The following RSRC1 variants were observed in gnomAD, a reference collection of about 807,000 sequenced individuals.
The protein encoded by RSRC1 is serine/Arginine-related protein 53.
In RSRC1, 39 loss-of-function variants were observed where a neutral mutation model predicts 49.1. That is an observed-to-expected ratio of 0.79 (90% CI 0.61 to 1.04). RSRC1 has a LOEUF of 1.04. Ranked by LOEUF, RSRC1 falls within the 50% of genes least tolerant of loss-of-function variation. The pLI, the probability that RSRC1 is intolerant of heterozygous loss-of-function variation, is 0.00. For synonymous variants in RSRC1, 143 were observed against 130.8 expected (o/e 1.09, Z -0.63); for missense variants, 388 against 402.4 (o/e 0.96, Z 0.31).
At chr3:158,271,176 C>T (rs1331128934) in intron 4 of RSRC1, among the ~76,000 whole-genome samples, 1 of 152,056 alleles carries the variant, frequency 6.6e-6, no homozygotes, top group African/African-American at 2.4e-5. Flanking sequence ...TTAAGTCCTT[C>T]ATAGACATTT....
chr3:158,229,566 A>T (rs918321775), intron 4 of RSRC1, among the ~76,000 whole-genome samples: 1 of 150,678 alleles, frequency 6.6e-6, no homozygotes, highest in East Asian at 1.9e-4. Flanking sequence ...AGAGCTGTCA[A>T]ATTTTAAGGA....
intron 7 of RSRC1, among the ~76,000 whole-genome samples, chr3:158,500,158 G>A (rs778530176): frequency 3.9e-5 from 6 of 152,160 alleles, no homozygotes; most frequent in East Asian, 1.9e-4. Flanking sequence ...CTTATGTGGT[G>A]TATGACATTT....
intron 5 of RSRC1, among the ~76,000 whole-genome samples, chr3:158,354,214 C>A (rs1298417590): frequency 6.6e-6 from 1 of 152,046 alleles, no homozygotes; most frequent in Admixed American, 6.5e-5. Flanking sequence ...TGGTCTCGAT[C>A]TCTTGACCTT....
At chr3:158,496,245 C>T (rs886089396) in intron 7 of RSRC1, among the ~76,000 whole-genome samples, 1 of 152,110 alleles carries the variant, frequency 6.6e-6, no homozygotes, top group Non-Finnish European at 1.5e-5. Context: ...TTTTTGCATA[C>T]TTGGGAGATC....
At chr3:158,347,610 A>G (rs748708286) in intron 5 of RSRC1, among the ~76,000 whole-genome samples, 3 of 152,124 alleles carry the variant, frequency 2.0e-5, no homozygotes, top group Non-Finnish European at 4.4e-5. Flanking sequence ...GCAGTACACA[A>G]TCATAGCCCA....
chr3:158,383,903 T>G (rs1732835659), intron 6 of RSRC1, among the ~76,000 whole-genome samples: 1 of 152,088 alleles, frequency 6.6e-6, no homozygotes, highest in South Asian at 2.1e-4. Flanking sequence ...GATATGCCTT[T>G]CTTACACTAT....
intron 6 of RSRC1, among the ~76,000 whole-genome samples, chr3:158,365,888 C>T (rs1366382401): frequency 6.6e-6 from 1 of 152,106 alleles, no homozygotes; most frequent in African/African-American, 2.4e-5. Flanking sequence ...TTGCATTTCT[C>T]TAATGACCAT....
Position 158,543,332 on chromosome 3 carries a change from C to T in RSRC1, c.760-3C>T. The T allele has an allele frequency of 6.5e-7, 1 of 1,541,732 alleles. No individual in the cohort carries two copies. The highest frequency in any genetic ancestry group is 2.4e-5 in the East Asian group (1 of 42,112). On this transcript the variant is annotated splice_region_variant and splice_polypyrimidine_tract_variant and intron_variant, in intron 8 of 9. Transcript: ENST00000611884. Reference sequence around the variant, plus strand: ...TGAAATTAATATGTGTTGTTTCTTTCAGTCAGTGGAACCTAGTGAAGTGAA... The same window carrying T: ...TGAAATTAATATGTGTTGTTTCTTTTAGTCAGTGGAACCTAGTGAAGTGAA...
intron 6 of RSRC1, among the ~76,000 whole-genome samples, chr3:158,403,610 G>A (rs1031303155): frequency 2.0e-5 from 3 of 151,754 alleles, no homozygotes; most frequent in African/African-American, 4.8e-5. Flanking sequence ...AGACATAAAT[G>A]TGGAAAATCA....
intron 5 of RSRC1, among the ~76,000 whole-genome samples, chr3:158,323,745 G>A (rs1384731470): frequency 6.6e-6 from 1 of 152,084 alleles, no homozygotes; most frequent in Non-Finnish European, 1.5e-5. Flanking sequence ...GTTTTTGTCT[G>A]CCTTTGGTTA....
intron 5 of RSRC1, among the ~76,000 whole-genome samples, chr3:158,331,355 C>T (rs1729535593): frequency 6.6e-6 from 1 of 152,128 alleles, no homozygotes; most frequent in Non-Finnish European, 1.5e-5. Context: ...TTTTTGTTCT[C>T]TTTTAAGAAT....
chr3:158,210,221 C>T (rs1721592427), intron 4 of RSRC1, among the ~76,000 whole-genome samples: 1 of 152,052 alleles, frequency 6.6e-6, no homozygotes, highest in South Asian at 2.1e-4. Context: ...CTGTTTGGAT[C>T]AAAGCAGGGC....
chr3:158,354,930 T>C (rs1287384287), intron 6 of RSRC1, 22 bp downstream of exon 6: 4 of 1,512,868 alleles, frequency 2.6e-6, no homozygotes, highest in Non-Finnish European at 2.7e-6. Flanking sequence ...TAATTAACTT[T>C]TATTAAATGA....
At chr3:158,368,328 T>C (rs1256696056) in intron 6 of RSRC1, among the ~76,000 whole-genome samples, 1 of 152,232 alleles carries the variant, frequency 6.6e-6, no homozygotes, top group African/African-American at 2.4e-5. Context: ...GTTATTGGGC[T>C]CTGTAGACCT....
intron 6 of RSRC1, among the ~76,000 whole-genome samples, chr3:158,450,834 A>C (rs150280010): frequency 5.9e-5 from 9 of 151,834 alleles, no homozygotes; most frequent in Non-Finnish European, 8.8e-5. Flanking sequence ...TATGTTAATT[A>C]TATTTTTTCT....
intron 6 of RSRC1, among the ~76,000 whole-genome samples, chr3:158,438,963 A>G (rs1327290882): frequency 6.6e-6 from 1 of 152,152 alleles, no homozygotes; most frequent in Non-Finnish European, 1.5e-5. Context: ...ACTCCAACAA[A>G]TTTATAAGAA....
rs147389359 is a variant in RSRC1 at position 158,267,541 on chromosome 3, T to A, written c.495-30498T>A. 1.4e-3 allele frequency among the ~76,000 whole-genome samples: 207 copies of A among 151,956 alleles called. 2 individuals are homozygous for A. Among genetic ancestry groups the A allele is most frequent in the African/African-American group, 4.7e-3 (196 of 41,476 alleles). On this transcript the variant is annotated intron_variant, in intron 4 of 9. Coordinates refer to ENST00000611884, the MANE Select transcript of RSRC1 (RefSeq NM_001271838.2). ...TTGAGGTCCTCTTCATTTAAAAAAA[T>A]TTTTTTTTCTTGTACTCCAAATTGA...
chr3:158,127,995 C>T (rs62288315), intron 3 of RSRC1, among the ~76,000 whole-genome samples: 2,961 of 152,242 alleles, frequency 0.019, 48 homozygotes, highest in Non-Finnish European at 0.026. Flanking sequence ...TCACTTCTGA[C>T]GAAGAAACAA....
intron 6 of RSRC1, among the ~76,000 whole-genome samples, chr3:158,383,878 G>T (rs1732834840): frequency 6.6e-6 from 1 of 151,974 alleles, no homozygotes; most frequent in African/African-American, 2.4e-5. Context: ...ATTCCTCAAA[G>T]ATTCACATAC....
Sources: gnomAD v4.1 joint callset for allele counts (sites outside exome capture counted in the v4.1 genomes callset) on GRCh38, gnomAD v4.1.1 for gene constraint, MANE v1.5 for transcripts, NCBI Gene and HGNC (gene_info 2026-07-23, HGNC 2026-07-21) for gene names.